Variants in SORCS1 observed in about 807,000 individuals in gnomAD.
SORCS1 encodes sortilin related VPS10 domain containing receptor 1, also known as VPS10 domain-containing receptor SorCS1.
SORCS1 carries 60 observed loss-of-function variants against 146.1 expected under a neutral mutation model. The observed-to-expected ratio is 0.41, with a 90% CI of 0.33 to 0.51. SORCS1 has a LOEUF of 0.51. SORCS1 is among the 20% of genes least tolerant of loss of function. SORCS1 has a pLI of 0.21. For missense variants in SORCS1, 1,352 were observed against 1,487.6 expected (o/e 0.91, Z 1.50); for synonymous variants, 637 against 584.0 (o/e 1.09, Z -1.31).
chr10:106,726,816 G>A (rs1362709558), intron 6 of SORCS1, among the ~76,000 whole-genome samples: 3 of 152,162 alleles, frequency 2.0e-5, no homozygotes, highest in African/African-American at 7.2e-5. Flanking sequence ...GCCGGGTGCG[G>A]TGGCTCACGC....
intron 1 of SORCS1, among the ~76,000 whole-genome samples, chr10:107,061,724 CT>C (rs937672823): frequency 6.6e-6 from 1 of 152,092 alleles, no homozygotes; most frequent in African/African-American, 2.4e-5. Context: ...TCTCACATAA[CT>C]TATGGCTTCA....
At chr10:106,632,547 G>A (rs560136176) in intron 18 of SORCS1, among the ~76,000 whole-genome samples, 1 of 152,122 alleles carries the variant, frequency 6.6e-6, no homozygotes, top group South Asian at 2.1e-4. Flanking sequence ...TCACCCTACC[G>A]GCGCTCTGGT....
chr10:106,822,723 G>A (rs1360075761), intron 3 of SORCS1, among the ~76,000 whole-genome samples: 4 of 149,580 alleles, frequency 2.7e-5, no homozygotes, highest in East Asian at 2.0e-4. Flanking sequence ...CTTACTACAC[G>A]TCACTTTTAT....
intron 2 of SORCS1, among the ~76,000 whole-genome samples, chr10:106,912,967 A>G (rs1354961369): frequency 3.9e-5 from 6 of 152,296 alleles, no homozygotes; most frequent in African/African-American, 1.4e-4. Flanking sequence ...GGCATGAGCC[A>G]CTGCGCCCGG....
chr10:107,086,720 T>A lies in SORCS1; in HGVS notation c.558+77249A>T, dbSNP rs1032676689. Among the ~76,000 whole-genome samples, 20 of 152,300 alleles carry A rather than the reference T, an allele frequency of 1.3e-4. No individual in the cohort carries two copies. The South Asian group carries it at 3.7e-3, about 28-fold the overall frequency. On this transcript the variant is annotated intron_variant, in intron 1 of 25. Coordinates refer to ENST00000263054, the MANE Select transcript of SORCS1 (RefSeq NM_052918.5). ...ACAGCACTCTGTTAGTCACATTATT[T>A]AACTCCACCTAGAAAATATTACCAG...
intron 2 of SORCS1, among the ~76,000 whole-genome samples, chr10:106,862,913 T>G (rs1950078363): frequency 6.6e-6 from 1 of 152,186 alleles, no homozygotes; most frequent in South Asian, 2.1e-4. Flanking sequence ...GGTTTTCTGA[T>G]TCTCATGGTA....
chr10:106,749,521 T>G (rs1355802378), intron 5 of SORCS1, among the ~76,000 whole-genome samples: 1 of 152,212 alleles, frequency 6.6e-6, no homozygotes, highest in Non-Finnish European at 1.5e-5. Context: ...GAATTTGGCC[T>G]GTAAAATCAC....
At chr10:106,785,180 C>T (rs2136453477) in intron 3 of SORCS1, among the ~76,000 whole-genome samples, 1 of 152,286 alleles carries the variant, frequency 6.6e-6, no homozygotes, top group Non-Finnish European at 1.5e-5. Flanking sequence ...GAAGACTGAT[C>T]TAAAATAACT....
At chr10:106,851,783 A>C (rs1356856493) in intron 2 of SORCS1, among the ~76,000 whole-genome samples, 2 of 152,226 alleles carry the variant, frequency 1.3e-5, no homozygotes, top group African/African-American at 4.8e-5. Context: ...CTATAGATCA[A>C]GTTGAGAAGA....
intron 4 of SORCS1, among the ~76,000 whole-genome samples, chr10:106,766,520 T>A (rs988397398): frequency 3.3e-5 from 5 of 152,294 alleles, no homozygotes; most frequent in Admixed American, 2.0e-4. Context: ...CTCAGAAGTA[T>A]GTTCTGATGC....
chr10:106,620,744 T>C (rs559896912), intron 19 of SORCS1, among the ~76,000 whole-genome samples, 183 bp from the exon 20 acceptor site: 1 of 152,216 alleles, frequency 6.6e-6, no homozygotes, highest in Non-Finnish European at 1.5e-5. Flanking sequence ...CACAATTGCA[T>C]CTTGACATTT....
At chr10:106,677,895 T>A (rs1237600271) in intron 12 of SORCS1, among the ~76,000 whole-genome samples, 1 of 152,166 alleles carries the variant, frequency 6.6e-6, no homozygotes, top group Non-Finnish European at 1.5e-5. Flanking sequence ...CCTTTCCAGA[T>A]CTTATTATTT....
intron 1 of SORCS1, among the ~76,000 whole-genome samples, chr10:106,970,372 C>T (rs1955721397): frequency 1.0e-5 from 1 of 95,688 alleles, no homozygotes; most frequent in Non-Finnish European, 1.9e-5. Context: ...GAGTTTCACT[C>T]TTGTCTCCCA....
intron 1 of SORCS1, among the ~76,000 whole-genome samples, chr10:107,084,668 A>G (rs1479598997): frequency 1.3e-5 from 2 of 152,144 alleles, no homozygotes; most frequent in Admixed American, 1.3e-4. Context: ...CAAGCTAATC[A>G]AATCCACACT....
At chr10:107,031,226 T>A (rs1455147335) in intron 1 of SORCS1, among the ~76,000 whole-genome samples, 1 of 152,258 alleles carries the variant, frequency 6.6e-6, no homozygotes, top group East Asian at 1.9e-4. Flanking sequence ...TTATTACATG[T>A]GTCAATAGTT....
At chr10:106,705,417 G>A (rs559251229) in intron 8 of SORCS1, among the ~76,000 whole-genome samples, 45 of 152,228 alleles carry the variant, frequency 3.0e-4, no homozygotes, top group African/African-American at 9.6e-4. Flanking sequence ...GAGAGGAGGC[G>A]TGCTGTGTCC....
At chr10:106,609,519 T>G (rs758971717) in intron 22 of SORCS1, among the ~76,000 whole-genome samples, 6 of 152,208 alleles carry the variant, frequency 3.9e-5, no homozygotes, top group Non-Finnish European at 7.3e-5. Flanking sequence ...CTTAAAAAAG[T>G]GGCCAAGTGC....
chr10:106,806,390 AAAAT>A (rs1473882818), intron 3 of SORCS1, among the ~76,000 whole-genome samples: 2 of 91,702 alleles, frequency 2.2e-5, no homozygotes, highest in African/African-American at 1.3e-4. Flanking sequence ...AAATAAAAAT[AAAAT>A]AAAATAAAAT....
intron 2 of SORCS1, among the ~76,000 whole-genome samples, chr10:106,831,802 T>C (rs10786976): frequency 0.29 from 43,406 of 152,082 alleles, 7,219 homozygotes; most frequent in Non-Finnish European, 0.38. Flanking sequence ...TCCTAATCGC[T>C]GAGGAACAAA....
Sources: gnomAD v4.1 joint callset for allele counts (sites outside exome capture counted in the v4.1 genomes callset) on GRCh38, gnomAD v4.1.1 for gene constraint, MANE v1.5 for transcripts, NCBI Gene and HGNC (gene_info 2026-07-23, HGNC 2026-07-21) for gene names.